CDH13: variants seen among roughly 807,000 people sequenced by gnomAD.
CDH13 encodes cadherin 13, also known as cadherin-13.
Under a neutral mutation model 63.8 loss-of-function variants are expected in CDH13, and 24 were observed. The observed-to-expected ratio is 0.38, with a 90% CI of 0.27 to 0.53. CDH13 has a LOEUF of 0.53. Among genes scored for constraint, CDH13 ranks in the 20% least tolerant of loss-of-function variants. The pLI is 0.85. For synonymous variants in CDH13, 503 were observed against 355.3 expected, an observed-to-expected ratio of 1.42 and a Z score of -4.67; for missense variants, 1,049 against 903.1, an observed-to-expected ratio of 1.16 and a Z score of -2.07.
intron 6 of CDH13, among the ~76,000 whole-genome samples, chr16:83,406,684 T>G (rs1401312304): frequency 6.6e-6 from 1 of 152,168 alleles, no homozygotes; most frequent in Non-Finnish European, 1.5e-5. Context: ...CAAGCTGGTC[T>G]TGAACTCCTG....
intron 5 of CDH13, 52 bp downstream of exon 5, chr16:83,217,549 A>C: frequency 6.4e-7 from 1 of 1,568,944 alleles, no homozygotes; most frequent in Admixed American, 1.7e-5. Context: ...TGGCTTTCAA[A>C]GATTGTTTTC....
intron 11 of CDH13, among the ~76,000 whole-genome samples, chr16:83,777,801 G>A (rs1049782941): frequency 2.0e-5 from 3 of 152,070 alleles, no homozygotes; most frequent in African/African-American, 7.2e-5. Flanking sequence ...CTTAATATGC[G>A]TTTCAAAACA....
intron 2 of CDH13, among the ~76,000 whole-genome samples, chr16:82,968,248 T>C (rs781650041): frequency 6.6e-5 from 10 of 152,232 alleles, no homozygotes; most frequent in Non-Finnish European, 1.3e-4. Context: ...AGTTTTTATA[T>C]TCAAGTATCC....
chr16:83,583,148 G>T (rs1905792721), intron 7 of CDH13, among the ~76,000 whole-genome samples: 1 of 151,988 alleles, frequency 6.6e-6, no homozygotes, highest in African/African-American at 2.4e-5. Context: ...CCACCTTCAG[G>T]GGCCCTTCTC....
intron 1 of CDH13, among the ~76,000 whole-genome samples, chr16:82,763,111 T>G (rs2034915300): frequency 1.3e-5 from 2 of 152,178 alleles, no homozygotes; most frequent in South Asian, 4.1e-4. Context: ...CAGGCGTCCT[T>G]GTACCGCAGG....
At chr16:83,388,255 T>C (rs998890582) in intron 6 of CDH13, among the ~76,000 whole-genome samples, 1 of 146,174 alleles carries the variant, frequency 6.8e-6, no homozygotes, top group African/African-American at 2.6e-5. Flanking sequence ...GAGACCAGCC[T>C]GGGCAACATG....
chr16:83,388,715 G>A (rs1905705625), intron 6 of CDH13, among the ~76,000 whole-genome samples: 1 of 152,152 alleles, frequency 6.6e-6, no homozygotes, highest in Admixed American at 6.5e-5. Flanking sequence ...GGGCACAGCA[G>A]GTGTGTGTGG....
chr16:83,225,196 T>A (rs971783613), intron 5 of CDH13, among the ~76,000 whole-genome samples: 1 of 152,152 alleles, frequency 6.6e-6, no homozygotes, highest in Admixed American at 6.5e-5. Context: ...ATAATCACAC[T>A]CTTGGGTATT....
chr16:83,317,206 A>C (rs2090125365), intron 5 of CDH13, among the ~76,000 whole-genome samples: 1 of 152,330 alleles, frequency 6.6e-6, no homozygotes, highest in African/African-American at 2.4e-5. Context: ...CAAAAGCCCA[A>C]GGCAAACTTC....
chr16:83,305,417 C>G (rs2089851462), intron 5 of CDH13, among the ~76,000 whole-genome samples: 1 of 152,236 alleles, frequency 6.6e-6, no homozygotes, highest in Non-Finnish European at 1.5e-5. Context: ...CTGGAAGGAC[C>G]ATTTTTAATC....
In CDH13 at chr16:83,625,959, G is replaced by A. The variant is rs559281964; in HGVS notation, c.1101+23365G>A. The stretch of plus-strand genomic sequence containing the variant: ...TATTGGGGTCTTTCCCTGGGAGTCC[G>A]ATGCAGCAAGCAACACTGTCACAGG... On this transcript the variant is annotated intron_variant, in intron 8 of 13. Transcript: ENST00000567109. 3.9e-5 allele frequency among the ~76,000 whole-genome samples: 6 copies of A among 151,996 alleles called. No homozygotes were observed. The South Asian group carries it at 8.3e-4, about 21-fold the overall frequency.
intron 8 of CDH13, among the ~76,000 whole-genome samples, chr16:83,606,916 C>T (rs1026084070): frequency 6.6e-6 from 1 of 151,914 alleles, no homozygotes; most frequent in African/African-American, 2.4e-5. Context: ...ATGAGAAGAA[C>T]AAAGGAGAAC....
At chr16:82,987,822 G>C (rs1272249030) in intron 2 of CDH13, among the ~76,000 whole-genome samples, 2 of 152,252 alleles carry the variant, frequency 1.3e-5, no homozygotes, top group African/African-American at 2.4e-5. Context: ...AGAGACTCAA[G>C]GATTTTGTGT....
At chr16:83,551,549 AC>A (rs762405400) in intron 7 of CDH13, among the ~76,000 whole-genome samples, 28 of 152,288 alleles carry the variant, frequency 1.8e-4, no homozygotes, top group Non-Finnish European at 2.8e-4. Flanking sequence ...GCTGTGTCTT[AC>A]GTTTCAAACA....
chr16:82,971,273 G>C (rs892403736), intron 2 of CDH13, among the ~76,000 whole-genome samples: 2 of 152,168 alleles, frequency 1.3e-5, no homozygotes, highest in Non-Finnish European at 2.9e-5. Context: ...CGTTTTGTTG[G>C]CTGCTTTCCC....
intron 1 of CDH13, among the ~76,000 whole-genome samples, chr16:82,671,519 C>G (rs116329501): frequency 0.019 from 2,879 of 152,252 alleles, 83 homozygotes; most frequent in African/African-American, 0.065. Flanking sequence ...TACACCTATA[C>G]CTTCAATATC....
At chr16:83,554,900 C>T (rs1429111093) in intron 7 of CDH13, among the ~76,000 whole-genome samples, 1 of 150,562 alleles carries the variant, frequency 6.6e-6, no homozygotes, top group Non-Finnish European at 1.5e-5. Context: ...ATTCCCATTG[C>T]AATGCCCTAC....
chr16:82,687,028 G>C (rs929403695), intron 1 of CDH13, among the ~76,000 whole-genome samples: 1 of 152,138 alleles, frequency 6.6e-6, no homozygotes, highest in Non-Finnish European at 1.5e-5. Context: ...CTCTCCCTTC[G>C]TAGATGTAGG....
intron 1 of CDH13, among the ~76,000 whole-genome samples, chr16:82,701,947 G>A (rs192518249): frequency 3.3e-5 from 5 of 152,202 alleles, no homozygotes; most frequent in South Asian, 2.1e-4. Context: ...CAGTTTCCCC[G>A]AGGAAATTGG....
Sources: gnomAD v4.1 joint callset for allele counts (sites outside exome capture counted in the v4.1 genomes callset) on GRCh38, gnomAD v4.1.1 for gene constraint, MANE v1.5 for transcripts, NCBI Gene and HGNC (gene_info 2026-07-23, HGNC 2026-07-21) for gene names.